MYO3B: variants seen among roughly 807,000 people sequenced by gnomAD.
MYO3B encodes the protein myosin-IIIb.
A neutral mutation model predicts 174.6 loss-of-function variants in MYO3B; 156 were observed. That is an observed-to-expected ratio of 0.89 (90% confidence interval 0.78 to 1.02). MYO3B has a LOEUF of 1.02. Ranked by LOEUF, MYO3B falls within the 50% of genes least tolerant of loss-of-function variation. MYO3B has a pLI of 0.00. For synonymous variants in MYO3B, 563 were observed against 569.1 expected (o/e 0.99, Z 0.15); for missense variants, 1,632 against 1,639.4 (o/e 1.00, Z 0.08).
intron 1 of MYO3B, among the ~76,000 whole-genome samples, chr2:170,179,769 T>C (rs1022221963): frequency 1.1e-4 from 17 of 152,222 alleles, no homozygotes; most frequent in African/African-American, 3.9e-4. Context: ...CAGCAGAAAA[T>C]GGACTAACAC....
intron 8 of MYO3B, chr2:170,346,302 T>C (rs942171602): frequency 1.3e-5 from 2 of 152,214 alleles, no homozygotes; most frequent in Non-Finnish European, 2.9e-5. Context: ...AGATTTTGTT[T>C]TGTGATTTTT....
rs747868052 is a variant in MYO3B at position 170,543,940 on chromosome 2, G to A, written c.3685G>A (p.Ala1229Thr). The change falls in exon 32 of 35, where the codon GCT becomes ACT. Residue 1229 changes from alanine to threonine, a missense_variant. Coordinates refer to ENST00000408978, the MANE Select transcript of MYO3B (RefSeq NM_138995.5). The part of the protein sequence containing the change: ...DLLSSRICHP[A>T]PDQQGLSLWG... ...GCTGTCTTCTCGGATATGCCATCCTGCTCCAGATCAGCAAGGATTGAGTCT... is the reference window on the plus strand; with the variant it reads ...GCTGTCTTCTCGGATATGCCATCCTACTCCAGATCAGCAAGGATTGAGTCT... 10 of 1,613,300 alleles carry A rather than the reference G, an allele frequency of 6.2e-6. No individual in the cohort carries two copies. Among genetic ancestry groups the A allele is most frequent in the African/African-American group, 1.3e-5 (1 of 75,028 alleles).
At chr2:170,619,737 C>CTTTGTTTTTTTT (rs1695740162) in intron 32 of MYO3B, among the ~76,000 whole-genome samples, 1 of 50,778 alleles carries the variant, frequency 2.0e-5, no homozygotes, top group African/African-American at 8.3e-5. Context: ...CTGCCATATT[C>CTTTGTTTTTTTT]TTTTTTTTTT....
At chr2:170,374,620 G>T (rs1434799791) in intron 9 of MYO3B, among the ~76,000 whole-genome samples, 1 of 152,102 alleles carries the variant, frequency 6.6e-6, no homozygotes, top group African/African-American at 2.4e-5. Flanking sequence ...GCTGTACTGT[G>T]CTTGGAGGGC....
At chr2:170,240,001 T>A (rs943021022) in intron 7 of MYO3B, among the ~76,000 whole-genome samples, 1 of 152,202 alleles carries the variant, frequency 6.6e-6, no homozygotes, top group Non-Finnish European at 1.5e-5. Flanking sequence ...TGTGGCAGTA[T>A]GATTCCAATC....
chr2:170,274,812 G>T (rs11893464), intron 7 of MYO3B, among the ~76,000 whole-genome samples: 1 of 151,938 alleles, frequency 6.6e-6, no homozygotes, highest in African/African-American at 2.4e-5. Context: ...AGAAAAAAAC[G>T]CAAAGTAAAA....
intron 23 of MYO3B, among the ~76,000 whole-genome samples, chr2:170,462,112 T>C (rs756152813): frequency 6.6e-6 from 1 of 152,246 alleles, no homozygotes; most frequent in Non-Finnish European, 1.5e-5. Context: ...TGTTCCCTCT[T>C]CTTTCTAAAC....
chr2:170,224,589 G>A (rs2092932467), intron 6 of MYO3B, among the ~76,000 whole-genome samples: 2 of 151,982 alleles, frequency 1.3e-5, no homozygotes, highest in South Asian at 4.2e-4. Context: ...ATAATTTATA[G>A]GTTGACTACA....
At chr2:170,631,392 G>A (rs548138457) in intron 32 of MYO3B, among the ~76,000 whole-genome samples, 1 of 151,928 alleles carries the variant, frequency 6.6e-6, no homozygotes, top group East Asian at 1.9e-4. Flanking sequence ...AAGAAATAGG[G>A]GACTATGTGA....
rs559086883 is a variant in MYO3B at position 170,537,448 on chromosome 2, ATTTTTTTT to A, written c.3576-5432_3576-5425del. 8.2e-3 allele frequency among the ~76,000 whole-genome samples: 448 copies of A among 54,788 alleles called. 3 individuals carry two copies. The highest frequency in any genetic ancestry group is 0.033 in the African/African-American group (402 of 12,254). 35.9% of individuals were successfully genotyped at this position (54,788 alleles called of 152,430 possible). On this transcript the variant is annotated intron_variant, in intron 30 of 34. Transcript: ENST00000408978. Reference sequence around the variant, plus strand: ...ACCTTCTCTTATTAAGAGCTCTTTGATTTTTTTTTTTTTTTTTTTTTTTTTTTTTTTTT... The same window carrying A: ...ACCTTCTCTTATTAAGAGCTCTTTGATTTTTTTTTTTTTTTTTTTTTTTTT...
At chr2:170,428,296 C>T (rs1036752368) in intron 22 of MYO3B, among the ~76,000 whole-genome samples, 1 of 152,232 alleles carries the variant, frequency 6.6e-6, no homozygotes, top group African/African-American at 2.4e-5. Flanking sequence ...AGGCTATCAT[C>T]ACCACCCACT....
intron 32 of MYO3B, among the ~76,000 whole-genome samples, chr2:170,619,484 G>A (rs1414838935): frequency 6.6e-6 from 1 of 152,146 alleles, no homozygotes; most frequent in East Asian, 1.9e-4. Context: ...AAGGTCTGTT[G>A]TGAGGTTACA....
At chr2:170,459,195 G>C (rs142988141) in intron 23 of MYO3B, among the ~76,000 whole-genome samples, 4 of 152,178 alleles carry the variant, frequency 2.6e-5, no homozygotes, top group Non-Finnish European at 5.9e-5. Context: ...GGACCCCAGC[G>C]GGTTGCCACT....
intron 22 of MYO3B, among the ~76,000 whole-genome samples, chr2:170,426,804 G>A (rs984142076): frequency 2.6e-5 from 4 of 152,054 alleles, no homozygotes; most frequent in Non-Finnish European, 5.9e-5. Context: ...CGGATCATGA[G>A]GTCAGGAGTT....
intron 9 of MYO3B, among the ~76,000 whole-genome samples, chr2:170,370,100 A>C (rs1325818206): frequency 6.6e-6 from 1 of 152,172 alleles, no homozygotes; most frequent in Non-Finnish European, 1.5e-5. Context: ...AGGGTGGCAG[A>C]ATTTCTCTTT....
rs76227627 is a variant in MYO3B, at chr2:170,313,158, T to C, written c.750-22227T>C. Among the ~76,000 whole-genome samples the C allele has an allele frequency of 4.6e-3, 705 of 152,346 alleles. 7 individuals carry two copies. The highest frequency in any genetic ancestry group is 0.035 in the East Asian group (183 of 5,178). Reference sequence around the variant, plus strand: ...TAAAATATTGCACTGTTTGGCACTTTGAAGTTGGCCTGCCTGGGTTGTTCA... The same window carrying C: ...TAAAATATTGCACTGTTTGGCACTTCGAAGTTGGCCTGCCTGGGTTGTTCA... On this transcript the variant is annotated intron_variant, in intron 7 of 34. Coordinates refer to ENST00000408978, the MANE Select transcript of MYO3B (RefSeq NM_138995.5).
chr2:170,642,195 C>CTCATTCAT (rs112933967), intron 32 of MYO3B, among the ~76,000 whole-genome samples: 4 of 151,908 alleles, frequency 2.6e-5, no homozygotes, highest in Admixed American at 1.3e-4. Flanking sequence ...CACTCATTCA[C>CTCATTCAT]TCATTCATTC....
intron 32 of MYO3B, among the ~76,000 whole-genome samples, chr2:170,638,505 A>C (rs1408065494): frequency 6.6e-6 from 1 of 152,244 alleles, no homozygotes; most frequent in Non-Finnish European, 1.5e-5. Flanking sequence ...GAAAAGCAAA[A>C]GCATTTATGT....
intron 32 of MYO3B, among the ~76,000 whole-genome samples, chr2:170,565,783 A>G (rs1692035139): frequency 6.6e-6 from 1 of 152,248 alleles, no homozygotes; most frequent in South Asian, 2.1e-4. Flanking sequence ...GGGGCAAGGT[A>G]GACCAAGTGA....
Sources: allele counts gnomAD v4.1 joint callset (sites outside exome capture counted in the v4.1 genomes callset), GRCh38; gene constraint gnomAD v4.1.1; transcripts MANE v1.5; gene names NCBI Gene and HGNC (gene_info 2026-07-23, HGNC 2026-07-21).